The following LRP1B variants were observed in gnomAD, a reference collection of about 807,000 sequenced individuals.
LRP1B encodes low-density lipoprotein receptor-related protein 1B.
In LRP1B, 217 loss-of-function variants were observed where a neutral mutation model predicts 556.6. The ratio of observed to expected loss-of-function variants is 0.39; its 90% CI spans 0.35 to 0.44. The LOEUF (loss-of-function observed/expected upper bound fraction) is 0.44. Ranked by LOEUF, LRP1B falls within the 20% of genes least tolerant of loss-of-function variation. The pLI, the probability that LRP1B is intolerant of heterozygous loss-of-function variation, is 1.00. For missense variants in LRP1B, 5,053 were observed against 5,620.8 expected, an observed-to-expected ratio of 0.90 and a Z score of 3.23; for synonymous variants, 2,047 against 1,865.8, an observed-to-expected ratio of 1.10 and a Z score of -2.50.
chr2:140,944,491 G>A (rs1427513035), intron 20 of LRP1B, among the ~76,000 whole-genome samples: 1 of 152,058 alleles, frequency 6.6e-6, no homozygotes, highest in Non-Finnish European at 1.5e-5. Flanking sequence ...TATTCCTAAT[G>A]AACACAGACA....
intron 31 of LRP1B, among the ~76,000 whole-genome samples, chr2:140,819,486 T>G (rs1437620061): frequency 6.6e-6 from 1 of 151,684 alleles, no homozygotes; most frequent in Non-Finnish European, 1.5e-5. Context: ...CTTTCAAAAC[T>G]CAATAGTTAA....
At chr2:140,945,384 T>C (rs1695511653) in intron 20 of LRP1B, among the ~76,000 whole-genome samples, 1 of 151,624 alleles carries the variant, frequency 6.6e-6, no homozygotes, top group Non-Finnish European at 1.5e-5. Flanking sequence ...ATATAGAAAA[T>C]AATTCCAAAT....
chr2:140,719,719 A>C (rs1687336136), intron 35 of LRP1B, among the ~76,000 whole-genome samples: 1 of 152,090 alleles, frequency 6.6e-6, no homozygotes, highest in South Asian at 2.1e-4. Flanking sequence ...CACAGCATTG[A>C]GGAACTAACA....
intron 67 of LRP1B, among the ~76,000 whole-genome samples, chr2:140,383,269 C>G (rs1004500388): frequency 6.6e-6 from 1 of 151,066 alleles, no homozygotes; most frequent in African/African-American, 2.4e-5. Context: ...TACCACAGCC[C>G]TAATGTATTA....
chr2:140,514,599 T>C lies in LRP1B; in HGVS notation c.8269+54A>G, dbSNP rs1689806479. ...AAATTTTGTGTATGCTATAAAATGATAGAGCATATATAATGCTTAAAAACT... is the reference window on the plus strand; with the variant it reads ...AAATTTTGTGTATGCTATAAAATGACAGAGCATATATAATGCTTAAAAACT... On this transcript the variant is annotated intron_variant, in intron 51 of 90. Coordinates refer to ENST00000389484, the MANE Select transcript of LRP1B (RefSeq NM_018557.3). 4.0e-6 allele frequency: 6 copies of C among 1,492,514 alleles called. No individual in the cohort carries two copies. In the Admixed American group the frequency reaches 1.1e-4, roughly 26 times the overall value. 92.5% of individuals were successfully genotyped at this position (1,492,514 alleles called of 1,614,324 possible). A position where few individuals can be genotyped will look rare whatever the true frequency, so the allele number is the denominator to read the frequency against.
chr2:141,971,033 A>G (rs573619191), intron 1 of LRP1B, among the ~76,000 whole-genome samples: 2 of 151,644 alleles, frequency 1.3e-5, no homozygotes, highest in Non-Finnish European at 3.0e-5. Flanking sequence ...AAATGTCCAT[A>G]GCAGTATCTG....
At chr2:141,862,795 G>A (rs1405334042) in intron 1 of LRP1B, among the ~76,000 whole-genome samples, 1 of 152,122 alleles carries the variant, frequency 6.6e-6, no homozygotes, top group African/African-American at 2.4e-5. Context: ...GGTTAATTTT[G>A]AGATTATAAA....
rs373515336 is a variant in LRP1B, at chr2:140,746,518, T to C, written c.5758+22695A>G. 1.4e-4 allele frequency among the ~76,000 whole-genome samples: 21 copies of C among 152,300 alleles called. No individual in the cohort carries two copies. In the South Asian group the frequency reaches 3.7e-3, roughly 27 times the overall value. ...ATGAAAACCAATTTAGTTTGACTCA[T>C]AGTTGGAAAATTCCAATGCTCAGAG... On this transcript the variant is annotated intron_variant, in intron 35 of 90. Coordinates refer to ENST00000389484, the MANE Select transcript of LRP1B (RefSeq NM_018557.3).
chr2:141,865,243 T>G (rs1396012045), intron 1 of LRP1B, among the ~76,000 whole-genome samples: 1 of 152,118 alleles, frequency 6.6e-6, no homozygotes, highest in Non-Finnish European at 1.5e-5. Context: ...TATTTAGAAG[T>G]ATGTCTTCTA....
rs902488263 is a variant in LRP1B, at chr2:140,429,593, C to T, written c.10414+12911G>A. On this transcript the variant is annotated intron_variant, in intron 66 of 90. Transcript: ENST00000389484. ...TCGGCATAATTCTCATAAAAACACA[C>T]GTGCTCTCCCTGCTGATCGTGTTTG... 4.6e-5 allele frequency among the ~76,000 whole-genome samples: 7 copies of T among 152,130 alleles called. No individual in the cohort carries two copies. The East Asian group carries it at 1.2e-3, about 25-fold the overall frequency.
chr2:141,047,587 T>G (rs566308594), intron 11 of LRP1B, among the ~76,000 whole-genome samples: 1 of 152,262 alleles, frequency 6.6e-6, no homozygotes, highest in Non-Finnish European at 1.5e-5. Context: ...AAAATATCAC[T>G]TTGTTCACAT....
intron 1 of LRP1B, among the ~76,000 whole-genome samples, chr2:142,008,398 C>T (rs1254416718): frequency 6.6e-6 from 1 of 152,210 alleles, no homozygotes; most frequent in Non-Finnish European, 1.5e-5. Context: ...AGAAAATGCA[C>T]TGTGTGAGCA....
chr2:141,683,137 A>T (rs147259352), intron 2 of LRP1B, among the ~76,000 whole-genome samples: 19 of 152,094 alleles, frequency 1.2e-4, no homozygotes, highest in African/African-American at 4.1e-4. Flanking sequence ...GGAACCTAAT[A>T]CAGATTTTGG....
At chr2:140,269,890 T>A (rs977720495) in intron 86 of LRP1B, among the ~76,000 whole-genome samples, 2 of 151,834 alleles carry the variant, frequency 1.3e-5, no homozygotes, top group African/African-American at 4.8e-5. Flanking sequence ...TGAAAAAAAA[T>A]GGCCATAAGT....
At chr2:141,695,728 A>C (rs1465072709) in intron 2 of LRP1B, among the ~76,000 whole-genome samples, 2 of 151,978 alleles carry the variant, frequency 1.3e-5, no homozygotes, top group Admixed American at 6.6e-5. Context: ...AAAAAAACCC[A>C]AAAACCAGAT....
intron 2 of LRP1B, among the ~76,000 whole-genome samples, chr2:141,784,157 A>G (rs1436146975): frequency 6.6e-6 from 1 of 152,006 alleles, no homozygotes; most frequent in Non-Finnish European, 1.5e-5. Flanking sequence ...AGGTAAAATG[A>G]AACTGCAACA....
chr2:141,803,629 C>T (rs1037470143), intron 2 of LRP1B, among the ~76,000 whole-genome samples: 7 of 152,066 alleles, frequency 4.6e-5, no homozygotes, highest in Non-Finnish European at 8.8e-5. Flanking sequence ...TAGCTCATTG[C>T]AAAGTGACCT....
chr2:141,702,738 C>T (rs1558814832), intron 2 of LRP1B, among the ~76,000 whole-genome samples: 1 of 151,688 alleles, frequency 6.6e-6, no homozygotes, highest in Non-Finnish European at 1.5e-5. Context: ...TGCAAAATGT[C>T]CAGTGTGGAA....
At chr2:140,502,310 T>C (rs1689235362) in intron 54 of LRP1B, among the ~76,000 whole-genome samples, 1 of 151,962 alleles carries the variant, frequency 6.6e-6, no homozygotes, top group Admixed American at 6.6e-5. Flanking sequence ...AATATAACAT[T>C]GACATTTTGA....
Sources: gnomAD v4.1 joint callset for allele counts (sites outside exome capture counted in the v4.1 genomes callset) on GRCh38, gnomAD v4.1.1 for gene constraint, MANE v1.5 for transcripts, NCBI Gene and HGNC (gene_info 2026-07-23, HGNC 2026-07-21) for gene names.